The following ABR variants were observed in gnomAD, a reference collection of about 807,000 sequenced individuals.
The protein encoded by ABR is active breakpoint cluster region-related protein.
A neutral mutation model predicts 107.2 loss-of-function variants in ABR; 35 were observed. The observed-to-expected ratio is 0.33, with a 90% CI of 0.25 to 0.43. ABR has a LOEUF of 0.43. Among genes scored for constraint, ABR ranks in the 20% least tolerant of loss-of-function variants. The probability of loss-of-function intolerance (pLI) is 1.00; values close to 1 mark genes in which losing one functional copy is unlikely to be tolerated. For missense variants in ABR, 815 were observed against 1,115.2 expected, an observed-to-expected ratio of 0.73 and a Z score of 3.83; for synonymous variants, 498 against 462.0, an observed-to-expected ratio of 1.08 and a Z score of -1.00.
At chr17:1,125,060 G>T (rs1005992220) in intron 2 of ABR, 123 bp downstream of exon 2, 37 of 996,896 alleles carry the variant, frequency 3.7e-5, no homozygotes, top group Non-Finnish European at 4.9e-5. Flanking sequence ...CACCAAGAAC[G>T]GCCAGGTCCA....
At chr17:1,170,782 A>G (rs1011862238) in intron 1 of ABR, among the ~76,000 whole-genome samples, 1 of 151,984 alleles carries the variant, frequency 6.6e-6, no homozygotes, top group Non-Finnish European at 1.5e-5. Context: ...AGTTTCTATG[A>G]ATCCATCAGG....
In ABR at chr17:1,148,202, A is replaced by G. The variant is rs1279828586; in HGVS notation, c.62-22835T>C. Among the ~76,000 whole-genome samples the G allele has an allele frequency of 6.6e-6, 1 of 152,246 alleles. No homozygotes were observed. The highest frequency in any genetic ancestry group is 2.4e-5 in the African/African-American group (1 of 41,470). On this transcript the variant is annotated intron_variant, in intron 1 of 22. Transcript: ENST00000302538. The surrounding 1 kb of genome is among the most constrained non-coding windows in gnomAD (Gnocchi z 4.9). ...AAAAACAGAAACACCTCAAGTGTCT[A>G]TGGGTGGATGAATGGATACACAAAA...
Position 1,005,617 on chromosome 17 carries a change from G to T in ABR, c.*463C>A. On this transcript the variant is annotated 3_prime_UTR_variant, in exon 23 of 23. Coordinates refer to ENST00000302538, the MANE Select transcript of ABR (RefSeq NM_021962.5). Reference sequence around the variant, plus strand: ...GAAGAGCGGGTGGAGGAAGACTGAGGGGAGGCTGCCAGGAGACCGCCATCT... The same window carrying T: ...GAAGAGCGGGTGGAGGAAGACTGAGTGGAGGCTGCCAGGAGACCGCCATCT... 1 of 201,552 alleles carries T rather than the reference G, an allele frequency of 5.0e-6. No individual in the cohort carries two copies. The highest frequency in any genetic ancestry group is 9.9e-5 in the South Asian group (1 of 10,132). The allele number at this position is 201,552 out of a possible 1,614,324, so 12.5% of individuals were successfully genotyped here. A position where few individuals can be genotyped will look rare whatever the true frequency, so the allele number is the denominator to read the frequency against.
chr17:1,163,050 C>T (rs979482121), intron 1 of ABR, among the ~76,000 whole-genome samples: 1 of 152,270 alleles, frequency 6.6e-6, no homozygotes, highest in Non-Finnish European at 1.5e-5. Flanking sequence ...CCAGCCTGGG[C>T]GACAGAGCGA....
intron 1 of ABR, among the ~76,000 whole-genome samples, chr17:1,160,722 C>G (rs569310343): frequency 1.3e-5 from 2 of 152,206 alleles, no homozygotes; most frequent in Non-Finnish European, 2.9e-5. Flanking sequence ...AGGGCCACCC[C>G]CGAGGAGCTC....
intron 1 of ABR, among the ~76,000 whole-genome samples, chr17:1,203,441 G>GTCTGCGGGGGCGGAC: frequency 1.0e-5 from 1 of 95,548 alleles, no homozygotes; most frequent in Non-Finnish European, 2.2e-5. Flanking sequence ...CGGGGACGGA[G>GTCTGCGGGGGCGGAC]TCTGCGGGGG....
Position 1,228,026 on chromosome 17 carries a change from G to C in ABR, c.838+767C>G, listed in dbSNP as rs138367942. The C allele has an allele frequency of 3.3e-5, 5 of 152,332 alleles. No individual in the cohort carries two copies. In the East Asian group the frequency reaches 9.6e-4, roughly 29 times the overall value. The allele number at this position is 152,332 out of a possible 1,614,324, so 9.4% of individuals were successfully genotyped here. A position where few individuals can be genotyped will look rare whatever the true frequency, so the allele number is the denominator to read the frequency against. Reference sequence around the variant, plus strand: ...AGAGATGACAGGAGACCCGGTGAAGGTCTCAGCTCACCCCAACGAGCACTT... The same window carrying C: ...AGAGATGACAGGAGACCCGGTGAAGCTCTCAGCTCACCCCAACGAGCACTT... On this transcript the variant is annotated intron_variant, in intron 1 of 22. Transcript: ENST00000574139.
chr17:1,098,924 T>G (rs1463818896), intron 3 of ABR, among the ~76,000 whole-genome samples: 1 of 152,174 alleles, frequency 6.6e-6, no homozygotes, highest in African/African-American at 2.4e-5. Context: ...TAGCTGGGAT[T>G]ACAGGGGCCC....
chr17:1,140,362 G>A (rs2040240553), intron 1 of ABR, among the ~76,000 whole-genome samples: 1 of 152,142 alleles, frequency 6.6e-6, no homozygotes, highest in Admixed American at 6.5e-5. Context: ...GATCCAACGG[G>A]CAGCCAGACA....
intron 16 of ABR, among the ~76,000 whole-genome samples, chr17:1,024,631 C>T (rs1597418230): frequency 6.6e-6 from 1 of 151,866 alleles, no homozygotes; most frequent in Non-Finnish European, 1.5e-5. Flanking sequence ...ACAAAAAATA[C>T]AAAAATTAGC....
At chr17:1,110,351 G>GTGCGGGTGAGGCC (rs761559541) in intron 2 of ABR, among the ~76,000 whole-genome samples, 1 of 152,054 alleles carries the variant, frequency 6.6e-6, no homozygotes, top group Non-Finnish European at 1.5e-5. Context: ...ACCCATGAGG[G>GTGCGGGTGAGGCC]TGCGGGTGAG....
rs2043297077 is a variant in ABR, at chr17:1,229,552, A to T, written c.79T>A (p.Ser27Thr). Reference sequence around the variant, plus strand: ...AGCTCCCGCTCCGCGTCCCGCACCGACTCCAGCCTCGGGACCGGCGCCTCC... The same window carrying T: ...AGCTCCCGCTCCGCGTCCCGCACCGTCTCCAGCCTCGGGACCGGCGCCTCC... Residue 27 changes from serine (S) to threonine (T), a missense_variant, in exon 1 of 23, where the codon TCG (serine) becomes ACG (threonine). Ser to Thr is a moderately conservative substitution (Grantham distance 58). Coordinates refer to the ABR transcript ENST00000574139. Among the ~76,000 whole-genome samples, 12 of 151,176 alleles carry T rather than the reference A, an allele frequency of 7.9e-5. No homozygotes were observed. The South Asian group carries it at 2.5e-3, about 32-fold the overall frequency.
chr17:1,065,653 A>G (rs1317557076), intron 10 of ABR, among the ~76,000 whole-genome samples: 1 of 151,632 alleles, frequency 6.6e-6, no homozygotes, highest in East Asian at 1.9e-4. Flanking sequence ...TAGTACACTC[A>G]TTTCCAGACA....
chr17:1,164,924 A>G (rs1023243393), intron 1 of ABR, among the ~76,000 whole-genome samples: 1 of 152,146 alleles, frequency 6.6e-6, no homozygotes, highest in African/African-American at 2.4e-5. Flanking sequence ...TGGCCTCCCA[A>G]TATGCCCAGC....
chr17:1,095,009 T>G (rs1482290444), intron 3 of ABR, among the ~76,000 whole-genome samples: 1 of 152,158 alleles, frequency 6.6e-6, no homozygotes, highest in Non-Finnish European at 1.5e-5. Flanking sequence ...GACATCGTCG[T>G]AAGAGTTTAT....
At chr17:1,060,325 G>A (rs144603503) in intron 10 of ABR, among the ~76,000 whole-genome samples, 178 of 152,190 alleles carry the variant, frequency 1.2e-3, no homozygotes, top group African/African-American at 4.0e-3. Context: ...CACGAGAATC[G>A]CTTGAACCCG....
At position 1,142,129 on chromosome 17, in the gene ABR, A is replaced by G. The variant is rs552512310; in HGVS notation, c.62-16762T>C. 1.6e-3 allele frequency among the ~76,000 whole-genome samples: 251 copies of G among 152,216 alleles called. 1 individual carries two copies. Among genetic ancestry groups the G allele is most frequent in the African/African-American group, 5.8e-3 (242 of 41,542 alleles). On this transcript the variant is annotated intron_variant, in intron 1 of 22. Transcript: ENST00000302538. ...CACTGGAATCCCTGGGGAGTTGGGA[A>G]GCTCTCTGGCTCCTACCCCAGGGAT...
intron 1 of ABR, among the ~76,000 whole-genome samples, chr17:1,223,805 C>T (rs527422058): frequency 2.0e-5 from 3 of 152,276 alleles, no homozygotes; most frequent in South Asian, 2.1e-4. Flanking sequence ...CTTCCAAACG[C>T]TTTAAAACCA....
rs2036464354 is a variant in ABR at position 1,084,450 on chromosome 17, C to A, written c.532-823G>T. ...TGGCCTTGAGGCCCCGTCCTCACCT[C>A]TTCCACCTCCTCTACCTCCAAGGAG... On this transcript the variant is annotated intron_variant, in intron 4 of 22. Transcript: ENST00000302538. The surrounding 1 kb of genome is among the most constrained non-coding windows in gnomAD (Gnocchi z 4.2). Among the ~76,000 whole-genome samples, 1 of 152,222 alleles carries A rather than the reference C, an allele frequency of 6.6e-6. No individual in the cohort carries two copies. Among genetic ancestry groups the A allele is most frequent in the Admixed American group, 6.5e-5 (1 of 15,280 alleles).
Sources: gnomAD v4.1 joint callset for allele counts (sites outside exome capture counted in the v4.1 genomes callset) on GRCh38, gnomAD v4.1.1 for gene constraint, Gnocchi (gnomAD v3.1) non-coding constraint, MANE v1.5 for transcripts, NCBI Gene and HGNC (gene_info 2026-07-23, HGNC 2026-07-21) for gene names.